MS4A5: variants seen among roughly 807,000 people sequenced by gnomAD.
The protein encoded by MS4A5 is membrane spanning 4-domains A5, also known as membrane-spanning 4-domains subfamily A member 5.
In MS4A5, 15 loss-of-function variants were observed where a neutral mutation model predicts 18.2. That is an observed-to-expected ratio of 0.83 (90% CI 0.55 to 1.27). MS4A5 has a LOEUF of 1.27. Ranked by LOEUF, MS4A5 falls within the 50% of genes most tolerant of loss-of-function variation. MS4A5 has a pLI of 0.00. For synonymous variants in MS4A5, 89 were observed against 78.7 expected (o/e 1.13, Z -0.69); for missense variants, 232 against 225.7 (o/e 1.03, Z -0.18).
At chr11:60,445,645 T>C (rs570534663) in intron 4 of MS4A5, among the ~76,000 whole-genome samples, 1 of 152,352 alleles carries the variant, frequency 6.6e-6, no homozygotes, top group South Asian at 2.1e-4. Context: ...CATTTTCATG[T>C]GTTTATATAC....
intron 2 of MS4A5, 137 bp downstream of exon 2, chr11:60,431,061 T>C: frequency 1.1e-6 from 1 of 873,380 alleles, no homozygotes; most frequent in South Asian, 1.8e-5. Flanking sequence ...TGAAATTATT[T>C]CCCCATTAGT....
intron 4 of MS4A5, among the ~76,000 whole-genome samples, chr11:60,434,607 A>G (rs1379266010): frequency 6.6e-6 from 1 of 152,224 alleles, no homozygotes; most frequent in East Asian, 1.9e-4. Flanking sequence ...AAGTATGGCT[A>G]TGTGGATTAA....
At chr11:60,443,939 A>AT (rs2086126728) in intron 4 of MS4A5, among the ~76,000 whole-genome samples, 1 of 152,194 alleles carries the variant, frequency 6.6e-6, no homozygotes, top group Non-Finnish European at 1.5e-5. Context: ...AAATGTATAT[A>AT]TCTGATTGGG....
intron 1 of MS4A5, 101 bp from the exon 2 acceptor site, chr11:60,430,695 A>T: frequency 7.5e-7 from 1 of 1,341,116 alleles, no homozygotes; most frequent in Non-Finnish European, 1.0e-6. Flanking sequence ...ATTACCAAAG[A>T]GAGTAATTGC....
At chr11:60,438,588 G>T (rs1189769347) in intron 4 of MS4A5, among the ~76,000 whole-genome samples, 1 of 151,810 alleles carries the variant, frequency 6.6e-6, no homozygotes, top group Non-Finnish European at 1.5e-5. Context: ...ATGATAAAGG[G>T]GATGTCACCA....
intron 4 of MS4A5, among the ~76,000 whole-genome samples, chr11:60,437,782 A>G (rs995091105): frequency 3.3e-5 from 5 of 151,394 alleles, no homozygotes; most frequent in African/African-American, 1.2e-4. Context: ...GCAAGTCCTG[A>G]GTGACCTACA....
chr11:60,435,533 C>G (rs888487608), intron 4 of MS4A5: 2 of 375,738 alleles, frequency 5.3e-6, no homozygotes, highest in Non-Finnish European at 1.0e-5. Flanking sequence ...GTTCATCTCA[C>G]TAGGGAGTGC....
rs1590834581 is a variant in MS4A5, at chr11:60,441,404, T to C, written c.493-6245T>C. On this transcript the variant is annotated intron_variant, in intron 4 of 4. Coordinates refer to ENST00000300190, the MANE Select transcript of MS4A5 (RefSeq NM_023945.3). Reference sequence around the variant, plus strand: ...GTAACTAACCTGCACAATGTGCACATGTACCCTAAAACTTAAAGTATAATA... The same window carrying C: ...GTAACTAACCTGCACAATGTGCACACGTACCCTAAAACTTAAAGTATAATA... Among the ~76,000 whole-genome samples the C allele has an allele frequency of 1.3e-4, 13 of 101,552 alleles. No homozygotes were observed. The South Asian group carries it at 3.6e-3, about 28-fold the overall frequency. The allele number at this position is 101,552 out of a possible 152,430, so 66.6% of individuals were successfully genotyped here. A position where few individuals can be genotyped will look rare whatever the true frequency, so the allele number is the denominator to read the frequency against.
At chr11:60,437,843 T>C (rs1456165576) in intron 4 of MS4A5, among the ~76,000 whole-genome samples, 1 of 150,084 alleles carries the variant, frequency 6.7e-6, no homozygotes, top group African/African-American at 2.4e-5. Flanking sequence ...AACACCCCAC[T>C]GTCAACATTA....
At position 60,429,666 on chromosome 11, in the gene MS4A5, G is replaced by A. The variant is rs199848118; in HGVS notation, c.-9G>A. ...AATCATCTCCTTTCAAATTATCACC[G>A]ACACCATCATGGATTCAAGCACCGC... On this transcript the variant is annotated 5_prime_UTR_variant, in exon 1 of 5. Coordinates refer to ENST00000300190, the MANE Select transcript of MS4A5 (RefSeq NM_023945.3). The A allele has an allele frequency of 1.6e-4, 251 of 1,602,996 alleles. 1 individual carries two copies. The highest frequency in any genetic ancestry group is 3.7e-4 in the Admixed American group (21 of 57,310).
At chr11:60,434,047 AT>A in intron 4 of MS4A5, 130 bp downstream of exon 4, 3 of 829,976 alleles carry the variant, frequency 3.6e-6, no homozygotes, top group Non-Finnish European at 5.7e-6. Context: ...CATTTATGAA[AT>A]CCATAATATT....
In MS4A5 at chr11:60,447,584, C is replaced by T; in HGVS notation, c.493-65C>T. 3.5e-6 allele frequency: 3 copies of T among 845,104 alleles called. No individual in the cohort carries two copies. In the South Asian group the frequency reaches 5.2e-5, roughly 15 times the overall value. 52.4% of individuals were successfully genotyped at this position (845,104 alleles called of 1,614,324 possible). A position where few individuals can be genotyped will look rare whatever the true frequency, so the allele number is the denominator to read the frequency against. ...CTGGGCATCACTATGTCATTATAATCAGGAAAACCGTTACTGTGCCAACAT... is the reference window on the plus strand; with the variant it reads ...CTGGGCATCACTATGTCATTATAATTAGGAAAACCGTTACTGTGCCAACAT... On this transcript the variant is annotated intron_variant, in intron 4 of 4. Transcript: ENST00000300190.
chr11:60,439,092 C>G, intron 4 of MS4A5, among the ~76,000 whole-genome samples: 1 of 105,348 alleles, frequency 9.5e-6, no homozygotes, highest in Non-Finnish European at 1.9e-5. Flanking sequence ...AAGTGGGCTT[C>G]ATCCCTGGGA....
At chr11:60,437,989 C>T (rs1200382297) in intron 4 of MS4A5, among the ~76,000 whole-genome samples, 1 of 152,096 alleles carries the variant, frequency 6.6e-6, no homozygotes, top group East Asian at 1.9e-4. Context: ...AGCACCACAC[C>T]ACACCTATTC....
intron 4 of MS4A5, among the ~76,000 whole-genome samples, chr11:60,444,449 T>C (rs1377404947): frequency 6.6e-6 from 1 of 151,690 alleles, no homozygotes; most frequent in Non-Finnish European, 1.5e-5. Context: ...GGACTAAATA[T>C]AGGGGAAAAA....
chr11:60,432,311 A>G (rs549048250), intron 2 of MS4A5, 100 bp from the exon 3 acceptor site: 118 of 667,572 alleles, frequency 1.8e-4, no homozygotes, highest in Admixed American at 7.8e-4. Context: ...GTGTGAACTT[A>G]GAAGGCGGGC....
At chr11:60,436,782 A>G (rs1590832454) in intron 4 of MS4A5, among the ~76,000 whole-genome samples, 1 of 136,140 alleles carries the variant, frequency 7.3e-6, no homozygotes, top group Admixed American at 8.2e-5. Context: ...TGAAAAGACC[A>G]ACTCTACATC....
At chr11:60,433,708 T>A (rs2086063651) in intron 3 of MS4A5, 57 bp from the exon 4 acceptor site, 1 of 1,542,342 alleles carries the variant, frequency 6.5e-7, no homozygotes, top group Non-Finnish European at 8.9e-7. Flanking sequence ...ACTCATTGCT[T>A]TGTTTGTAGT....
At chr11:60,431,817 A>G (rs1467085368) in intron 2 of MS4A5, among the ~76,000 whole-genome samples, 3 of 152,186 alleles carry the variant, frequency 2.0e-5, no homozygotes, top group Non-Finnish European at 2.9e-5. Flanking sequence ...TATGTGAACT[A>G]TAAGAGTTCA....
Sources: allele counts gnomAD v4.1 joint callset (sites outside exome capture counted in the v4.1 genomes callset), GRCh38; gene constraint gnomAD v4.1.1; transcripts MANE v1.5; gene names NCBI Gene and HGNC (gene_info 2026-07-23, HGNC 2026-07-21).